UNC5D: variants seen among roughly 807,000 people sequenced by gnomAD.
UNC5D encodes unc-5 netrin receptor D.
UNC5D carries 39 observed loss-of-function variants against 105.4 expected under a neutral mutation model. The ratio of observed to expected loss-of-function variants is 0.37; its 90% CI spans 0.29 to 0.48. The LOEUF (loss-of-function observed/expected upper bound fraction) is 0.48. Among genes scored for constraint, UNC5D ranks in the 20% least tolerant of loss-of-function variants. The pLI is 0.98. For synonymous variants in UNC5D, 452 were observed against 450.4 expected (o/e 1.00, Z -0.04); for missense variants, 991 against 1,202.4 (o/e 0.82, Z 2.60).
At chr8:35,531,050 T>C (rs1215785340) in intron 1 of UNC5D, among the ~76,000 whole-genome samples, 9 of 150,232 alleles carry the variant, frequency 6.0e-5, no homozygotes, top group Admixed American at 2.0e-4. Context: ...TTTCCTTCAG[T>C]TCTGCTCTGA....
At chr8:35,564,213 A>G (rs1817168101) in intron 2 of UNC5D, among the ~76,000 whole-genome samples, 1 of 151,860 alleles carries the variant, frequency 6.6e-6, no homozygotes, top group Non-Finnish European at 1.5e-5. Flanking sequence ...TCTGGAGAAT[A>G]TGTTATGTGC....
chr8:35,343,712 G>A (rs1021063948), intron 1 of UNC5D, among the ~76,000 whole-genome samples: 1 of 152,014 alleles, frequency 6.6e-6, no homozygotes, highest in African/African-American at 2.4e-5. Flanking sequence ...CTGCTTACAG[G>A]CTTCTGTTTC....
At chr8:35,565,657 T>G (rs1009821293) in intron 2 of UNC5D, among the ~76,000 whole-genome samples, 3 of 152,224 alleles carry the variant, frequency 2.0e-5, no homozygotes, top group African/African-American at 4.8e-5. Context: ...GGCCAATGTC[T>G]ACAATAATTT....
chr8:35,557,406 A>G (rs536069916), intron 2 of UNC5D, among the ~76,000 whole-genome samples: 2 of 152,314 alleles, frequency 1.3e-5, no homozygotes, highest in South Asian at 2.1e-4. Flanking sequence ...AAGGATAACT[A>G]TTTTATTTTT....
intron 6 of UNC5D, among the ~76,000 whole-genome samples, chr8:35,685,737 G>A (rs1454989040): frequency 3.3e-5 from 5 of 152,240 alleles, no homozygotes; most frequent in South Asian, 4.1e-4. Flanking sequence ...TAAGTAACTC[G>A]CCCAGGATTG....
intron 1 of UNC5D, among the ~76,000 whole-genome samples, chr8:35,476,739 G>A (rs1283092083): frequency 6.6e-6 from 1 of 152,162 alleles, no homozygotes; most frequent in Non-Finnish European, 1.5e-5. Flanking sequence ...AATTAAGGCA[G>A]CTTACCATCT....
chr8:35,723,514 C>T (rs1828692999), intron 9 of UNC5D, among the ~76,000 whole-genome samples: 1 of 152,136 alleles, frequency 6.6e-6, no homozygotes, highest in South Asian at 2.1e-4. Flanking sequence ...AAGTGATCCT[C>T]CCACCTCAGC....
chr8:35,423,623 C>T (rs1403811157), intron 1 of UNC5D, among the ~76,000 whole-genome samples: 1 of 152,126 alleles, frequency 6.6e-6, no homozygotes, highest in Non-Finnish European at 1.5e-5. Context: ...TTGGCAAGTA[C>T]TGCTTGATTG....
At chr8:35,525,532 G>T in intron 1 of UNC5D, 3 of 1,612,400 alleles carry the variant, frequency 1.9e-6, no homozygotes, top group Non-Finnish European at 2.5e-6. Context: ...GAAGCTAGGG[G>T]AGGAGGGGTT....
intron 1 of UNC5D, among the ~76,000 whole-genome samples, chr8:35,339,765 G>T (rs934885247): frequency 2.0e-5 from 3 of 152,150 alleles, no homozygotes; most frequent in African/African-American, 7.2e-5. Flanking sequence ...TTTATCTGGG[G>T]AGCCAGCACA....
intron 1 of UNC5D, among the ~76,000 whole-genome samples, chr8:35,367,381 G>T (rs770914367): frequency 7.2e-5 from 11 of 152,136 alleles, no homozygotes; most frequent in Non-Finnish European, 1.3e-4. Context: ...CAGAAAGAAA[G>T]ATTGACTTCA....
chr8:35,630,232 A>G (rs567104495), intron 4 of UNC5D, among the ~76,000 whole-genome samples: 189 of 152,342 alleles, frequency 1.2e-3, no homozygotes, highest in African/African-American at 4.2e-3. Context: ...GGCAAAGGTT[A>G]TATTTCAGCA....
intron 3 of UNC5D, among the ~76,000 whole-genome samples, chr8:35,571,770 C>A (rs1006291321): frequency 6.6e-6 from 1 of 152,162 alleles, no homozygotes; most frequent in African/African-American, 2.4e-5. Context: ...CACTATGTTT[C>A]TTCTTTTAAA....
chr8:35,566,463 G>T (rs1385882876), intron 2 of UNC5D, among the ~76,000 whole-genome samples: 1 of 152,084 alleles, frequency 6.6e-6, no homozygotes, highest in Admixed American at 6.5e-5. Context: ...GCATAGTTAG[G>T]TACTTAATTT....
chr8:35,681,823 G>C (rs1409895165), intron 4 of UNC5D, among the ~76,000 whole-genome samples: 1 of 152,132 alleles, frequency 6.6e-6, no homozygotes, highest in Non-Finnish European at 1.5e-5. Context: ...GTGATGATTT[G>C]GGATATTTAA....
intron 1 of UNC5D, among the ~76,000 whole-genome samples, chr8:35,493,068 G>C (rs983600529): frequency 6.6e-6 from 1 of 151,990 alleles, no homozygotes; most frequent in African/African-American, 2.4e-5. Flanking sequence ...CTTGCAGAGA[G>C]AGTGCTTTGG....
At chr8:35,366,355 T>G (rs1234718522) in intron 1 of UNC5D, among the ~76,000 whole-genome samples, 3 of 152,112 alleles carry the variant, frequency 2.0e-5, no homozygotes, top group African/African-American at 7.2e-5. Context: ...GCACTTTACA[T>G]GGACACCTGC....
intron 1 of UNC5D, among the ~76,000 whole-genome samples, chr8:35,269,050 A>G (rs991881095): frequency 1.3e-5 from 2 of 152,184 alleles, no homozygotes; most frequent in African/African-American, 4.8e-5. Flanking sequence ...TAACTAGAAG[A>G]GAATATTTAA....
intron 1 of UNC5D, among the ~76,000 whole-genome samples, chr8:35,429,462 G>A (rs1353413657): frequency 2.0e-5 from 3 of 151,922 alleles, no homozygotes; most frequent in African/African-American, 7.3e-5. Context: ...TACTTACAGT[G>A]TCATTCTTAA....
Sources: allele counts gnomAD v4.1 joint callset (sites outside exome capture counted in the v4.1 genomes callset), GRCh38; gene constraint gnomAD v4.1.1; transcripts MANE v1.5; gene names NCBI Gene and HGNC (gene_info 2026-07-23, HGNC 2026-07-21).